Variants in FYTTD1 observed in about 807,000 individuals in gnomAD.
The protein encoded by FYTTD1 is forty-two-three domain containing 1, also known as UAP56-interacting factor.
In FYTTD1, 22 loss-of-function variants were observed where a neutral mutation model predicts 40.9. The observed-to-expected ratio is 0.54, with a 90% CI of 0.38 to 0.77. FYTTD1 has a LOEUF of 0.77. FYTTD1 is among the 30% of genes least tolerant of loss of function. The probability of loss-of-function intolerance (pLI) is 0.00; values close to 1 mark genes in which losing one functional copy is unlikely to be tolerated. For missense variants in FYTTD1, 351 were observed against 392.2 expected (o/e 0.90, Z 0.89); for synonymous variants, 140 against 137.9 (o/e 1.01, Z -0.10).
rs1461540787 is a variant in FYTTD1 at position 197,785,116 on chromosome 3, T to G, written c.*3207T>G. On this transcript the variant is annotated 3_prime_UTR_variant, in exon 9 of 9. Coordinates refer to ENST00000241502, the MANE Select transcript of FYTTD1 (RefSeq NM_032288.7). ...TCTATTCTACCAGTGATGGTTATAC[T>G]TTATTACTTTGCTATTTGGGTTAGG... The G allele has an allele frequency of 6.6e-6, 1 of 152,228 alleles. No individual in the cohort carries two copies. The highest frequency in any genetic ancestry group is 2.4e-5 in the African/African-American group (1 of 41,448). The allele number at this position is 152,228 out of a possible 1,614,324, so 9.4% of individuals were successfully genotyped here.
chr3:197,780,122 C>A (rs1177062749), intron 8 of FYTTD1, among the ~76,000 whole-genome samples: 1 of 145,458 alleles, frequency 6.9e-6, no homozygotes, highest in African/African-American at 2.7e-5. Context: ...GATATAGGCA[C>A]ACACATCAGC....
intron 1 of FYTTD1, among the ~76,000 whole-genome samples, chr3:197,756,051 T>G (rs778306786): frequency 2.0e-5 from 3 of 151,666 alleles, no homozygotes; most frequent in Non-Finnish European, 4.4e-5. Flanking sequence ...TCTGTGATTA[T>G]GGGAAGTAGG....
At chr3:197,756,593 T>C in intron 2 of FYTTD1, 36 bp downstream of exon 2, 2 of 1,573,732 alleles carry the variant, frequency 1.3e-6, no homozygotes, top group Non-Finnish European at 1.7e-6. Context: ...GGAAAGCTGT[T>C]ATTTGTGTGT....
chr3:197,767,867 A>G (rs1729598089), intron 2 of FYTTD1, among the ~76,000 whole-genome samples: 1 of 152,226 alleles, frequency 6.6e-6, no homozygotes, highest in South Asian at 2.1e-4. Context: ...AGCAAAAGCA[A>G]TTTGAATGGA....
intron 2 of FYTTD1, 152 bp downstream of exon 2, chr3:197,756,709 T>C (rs1729225745): frequency 1.4e-6 from 1 of 710,094 alleles, no homozygotes; most frequent in Admixed American, 2.6e-5. Context: ...ATCTAAAACC[T>C]GGTAAAAATT....
At chr3:197,779,683 C>T (rs1022404745) in intron 8 of FYTTD1, among the ~76,000 whole-genome samples, 12 of 151,720 alleles carry the variant, frequency 7.9e-5, no homozygotes, top group African/African-American at 2.9e-4. Context: ...TACAGGCACA[C>T]ACCACCACAC....
chr3:197,783,370 C>A lies in FYTTD1; in HGVS notation c.*1461C>A, dbSNP rs1054984815. ...TAAAGCAGACATCGTTCTTGGCCTG[C>A]CCTGCATTGTATACTAGATTTCATT... On this transcript the variant is annotated 3_prime_UTR_variant, in exon 9 of 9. Coordinates refer to ENST00000241502, the MANE Select transcript of FYTTD1 (RefSeq NM_032288.7). 6.6e-6 allele frequency: 1 copy of A among 152,544 alleles called. No individual in the cohort carries two copies. The highest frequency in any genetic ancestry group is 2.4e-5 in the African/African-American group (1 of 41,420). The allele number at this position is 152,544 out of a possible 1,614,324, so 9.4% of individuals were successfully genotyped here.
chr3:197,751,929 T>A (rs1372363553), intron 1 of FYTTD1, among the ~76,000 whole-genome samples: 1 of 152,142 alleles, frequency 6.6e-6, no homozygotes, highest in East Asian at 1.9e-4. Context: ...TGGAGTGCAG[T>A]GGTGTGATCT....
upstream of FYTTD1, chr3:197,749,862 C>G (rs909571151): frequency 2.3e-5 from 15 of 656,410 alleles, no homozygotes; most frequent in Non-Finnish European, 3.3e-5. Context: ...GAGGACGGCG[C>G]CGGCGCGTGC....
At chr3:197,773,626 A>C in intron 5 of FYTTD1, 127 bp downstream of exon 5, 1 of 590,464 alleles carries the variant, frequency 1.7e-6, no homozygotes, top group East Asian at 2.9e-5. Flanking sequence ...GGCACGTGGT[A>C]GTAGATTAGT....
In FYTTD1 at chr3:197,782,106, C is replaced by T. The variant is rs1250646258; in HGVS notation, c.*197C>T. 3 of 369,422 alleles carry T rather than the reference C, an allele frequency of 8.1e-6. No individual in the cohort carries two copies. Among genetic ancestry groups the T allele is most frequent in the African/African-American group, 6.3e-5 (3 of 47,602 alleles). The allele number at this position is 369,422 out of a possible 1,614,324, so 22.9% of individuals were successfully genotyped here. A position where few individuals can be genotyped will look rare whatever the true frequency, so the allele number is the denominator to read the frequency against. On this transcript the variant is annotated 3_prime_UTR_variant, in exon 9 of 9. Transcript: ENST00000241502. ...CCTGAAAGAATAATAGGGATTATAC[C>T]TGTCTGTTCTTAAAGATTTCATGGT...
intron 1 of FYTTD1, among the ~76,000 whole-genome samples, chr3:197,751,575 A>C (rs1434358144): frequency 1.3e-5 from 2 of 152,222 alleles, no homozygotes; most frequent in East Asian, 3.9e-4. Flanking sequence ...CGGATGTTGC[A>C]GTGAGCCGAT....
intron 2 of FYTTD1, among the ~76,000 whole-genome samples, chr3:197,758,370 A>G (rs1250614473): frequency 1.3e-5 from 2 of 152,236 alleles, no homozygotes. Context: ...TAAATACTTG[A>G]TAGATACCCT....
chr3:197,775,062 T>G (rs1729837890), intron 6 of FYTTD1, among the ~76,000 whole-genome samples: 1 of 152,266 alleles, frequency 6.6e-6, no homozygotes, highest in Non-Finnish European at 1.5e-5. Context: ...GGCTATACCA[T>G]TTTAATGAAA....
At chr3:197,762,312 C>T (rs1358754319) in intron 2 of FYTTD1, among the ~76,000 whole-genome samples, 1 of 145,346 alleles carries the variant, frequency 6.9e-6, no homozygotes, top group Non-Finnish European at 1.5e-5. Flanking sequence ...AATAATGAGG[C>T]CAGGCGCGGT....
intron 8 of FYTTD1, among the ~76,000 whole-genome samples, chr3:197,780,050 C>T (rs1415517964): frequency 6.8e-6 from 1 of 146,708 alleles, no homozygotes; most frequent in African/African-American, 2.6e-5. Flanking sequence ...ACCACCACAC[C>T]TGGGGATGCA....
chr3:197,756,247 T>G (rs1290267505), intron 1 of FYTTD1, among the ~76,000 whole-genome samples, 179 bp from the exon 2 acceptor site: 1 of 152,158 alleles, frequency 6.6e-6, no homozygotes, highest in African/African-American at 2.4e-5. Context: ...CACTCTTCAT[T>G]AATTGGTAGA....
At position 197,784,232 on chromosome 3, in the gene FYTTD1, A is replaced by G. The variant is rs78239670; in HGVS notation, c.*2323A>G. The G allele has an allele frequency of 0.012, 1,847 of 152,570 alleles. 28 individuals carry two copies. Among genetic ancestry groups the G allele is most frequent in the Non-Finnish European group, 0.021 (1,439 of 68,018 alleles). 9.5% of individuals were successfully genotyped at this position (152,570 alleles called of 1,614,324 possible). ...TGTACTTTTTGGTGTTTTTTGGAAA[A>G]GTTACATTTAGATCTATTCTGAAGC... On this transcript the variant is annotated 3_prime_UTR_variant, in exon 9 of 9. Coordinates refer to ENST00000241502, the MANE Select transcript of FYTTD1 (RefSeq NM_032288.7).
chr3:197,765,306 CTT>C (rs1335304552), intron 2 of FYTTD1, among the ~76,000 whole-genome samples: 1 of 152,018 alleles, frequency 6.6e-6, no homozygotes, highest in Non-Finnish European at 1.5e-5. Flanking sequence ...CTCACTTATT[CTT>C]TTGGAATATT....
Sources: gnomAD v4.1 joint callset for allele counts (sites outside exome capture counted in the v4.1 genomes callset) on GRCh38, gnomAD v4.1.1 for gene constraint, MANE v1.5 for transcripts, NCBI Gene and HGNC (gene_info 2026-07-23, HGNC 2026-07-21) for gene names.